FRY: variants seen among roughly 807,000 people sequenced by gnomAD.
FRY encodes FRY microtubule binding protein, also known as protein furry homolog.
FRY carries 128 observed loss-of-function variants against 348.4 expected under a neutral mutation model. The ratio of observed to expected loss-of-function variants is 0.37; its 90% CI spans 0.32 to 0.43. FRY has a LOEUF of 0.43. Ranked by LOEUF, FRY falls within the 20% of genes least tolerant of loss-of-function variation. The pLI is 1.00. For synonymous variants in FRY, 1,370 were observed against 1,374.7 expected (o/e 1.00, Z 0.08); for missense variants, 2,736 against 3,695.2 (o/e 0.74, Z 6.73).
At chr13:32,170,915 G>C in intron 17 of FRY, 97 bp from the exon 18 acceptor site, 1 of 928,652 alleles carries the variant, frequency 1.1e-6, no homozygotes, top group African/African-American at 1.6e-5. Flanking sequence ...TCAGACTCAA[G>C]TAGAAGAGAT....
intron 3 of FRY, among the ~76,000 whole-genome samples, chr13:32,116,419 G>C (rs1449833540): frequency 6.6e-6 from 1 of 152,104 alleles, no homozygotes; most frequent in Non-Finnish European, 1.5e-5. Context: ...TCTGTGGTTT[G>C]TCCCTTATCA....
chr13:32,294,605 G>A, intron 60 of FRY, 35 bp downstream of exon 60: 1 of 1,462,154 alleles, frequency 6.8e-7, no homozygotes, highest in Non-Finnish European at 9.6e-7. Context: ...GTGGTTGCAG[G>A]AAATGCACAC....
intron 28 of FRY, among the ~76,000 whole-genome samples, chr13:32,189,835 G>A (rs1343333608): frequency 1.3e-5 from 2 of 151,952 alleles, no homozygotes; most frequent in Non-Finnish European, 2.9e-5. Context: ...AAAGGTTGTA[G>A]CAAGAAAGAA....
Position 32,276,448 on chromosome 13 carries a change from A to T in FRY, c.8287-16A>T. 7.4e-7 allele frequency: 1 copy of T among 1,350,786 alleles called. No individual in the cohort carries two copies. Among genetic ancestry groups the T allele is most frequent in the Non-Finnish European group, 1.1e-6 (1 of 939,684 alleles). The allele number at this position is 1,350,786 out of a possible 1,614,324, so 83.7% of individuals were successfully genotyped here. A position where few individuals can be genotyped will look rare whatever the true frequency, so the allele number is the denominator to read the frequency against. ...TATCTCTCTAGTTTTAATACCAATT[A>T]TTTTCCTGTCTTTAGCTCCTTTCAT... On this transcript the variant is annotated splice_polypyrimidine_tract_variant and intron_variant, in intron 56 of 60. Transcript: ENST00000542859.
chr13:32,118,302 A>T (rs1335950546), intron 4 of FRY, among the ~76,000 whole-genome samples: 1 of 152,188 alleles, frequency 6.6e-6, no homozygotes, highest in African/African-American at 2.4e-5. Flanking sequence ...TATTCCAATT[A>T]AAAAAATACT....
chr13:32,141,145 A>G (rs1880045711), intron 11 of FRY, among the ~76,000 whole-genome samples: 1 of 152,210 alleles, frequency 6.6e-6, no homozygotes, highest in Non-Finnish European at 1.5e-5. Flanking sequence ...CGTAAAAATT[A>G]ATAATAAGAT....
At chr13:32,145,220 C>T (rs940337553) in intron 11 of FRY, among the ~76,000 whole-genome samples, 3 of 152,038 alleles carry the variant, frequency 2.0e-5, no homozygotes, top group Non-Finnish European at 4.4e-5. Context: ...CCCACAGGCA[C>T]CAGAGAAACT....
At chr13:32,144,635 GA>G (rs1214090403) in intron 11 of FRY, among the ~76,000 whole-genome samples, 1 of 151,956 alleles carries the variant, frequency 6.6e-6, no homozygotes, top group African/African-American at 2.4e-5. Flanking sequence ...ACACTAAGAA[GA>G]AAAGAGAATC....
At chr13:32,102,067 G>A (rs770653127) in intron 3 of FRY, 51 bp downstream of exon 3, 17 of 1,008,838 alleles carry the variant, frequency 1.7e-5, no homozygotes, top group South Asian at 1.6e-4. Context: ...CAGCATTCAC[G>A]CAAGGCAAGG....
intron 2 of FRY, among the ~76,000 whole-genome samples, chr13:32,079,831 G>A (rs1315294472): frequency 1.3e-5 from 2 of 152,206 alleles, no homozygotes; most frequent in Non-Finnish European, 2.9e-5. Context: ...TCAGAGTGAC[G>A]CAGCTGTTTC....
At chr13:32,089,678 A>C (rs1004600366) in intron 2 of FRY, among the ~76,000 whole-genome samples, 1 of 151,990 alleles carries the variant, frequency 6.6e-6, no homozygotes, top group East Asian at 1.9e-4. Context: ...AGGTGGGAGG[A>C]CCATTTGAAT....
At chr13:32,094,922 C>G (rs1266164526) in intron 2 of FRY, among the ~76,000 whole-genome samples, 1 of 152,158 alleles carries the variant, frequency 6.6e-6, no homozygotes, top group Non-Finnish European at 1.5e-5. Context: ...GAGAAACCTC[C>G]GAACTGTTCT....
intron 1 of FRY, among the ~76,000 whole-genome samples, chr13:32,060,589 A>C (rs2138439946): frequency 6.6e-6 from 1 of 152,300 alleles, no homozygotes; most frequent in Non-Finnish European, 1.5e-5. Flanking sequence ...TTCCCAGAGC[A>C]ACAGTTTATC....
At chr13:32,124,475 C>T (rs1344122957) in intron 5 of FRY, 99 bp downstream of exon 5, 20 of 871,662 alleles carry the variant, frequency 2.3e-5, no homozygotes, top group Non-Finnish European at 3.2e-5. Context: ...TTCTGAATTC[C>T]AAATACTGGG....
chr13:32,289,172 CCTGA>C (rs563291521), intron 58 of FRY, among the ~76,000 whole-genome samples: 217 of 152,208 alleles, frequency 1.4e-3, no homozygotes, highest in Middle Eastern at 6.8e-3. Flanking sequence ...CATCAGTAAG[CCTGA>C]CTGTTAGGTT....
chr13:32,076,813 A>G (rs1040558447), intron 1 of FRY, among the ~76,000 whole-genome samples: 1 of 152,066 alleles, frequency 6.6e-6, no homozygotes, highest in Non-Finnish European at 1.5e-5. Context: ...ATATAGCTAG[A>G]AGAGTATATG....
chr13:32,084,889 AACACACAC>A (rs5802632), intron 2 of FRY, among the ~76,000 whole-genome samples: 4 of 149,692 alleles, frequency 2.7e-5, no homozygotes, highest in Non-Finnish European at 5.9e-5. Flanking sequence ...CACACATGCA[AACACACAC>A]ACACACACAC....
chr13:32,107,852 A>G (rs961248752), intron 3 of FRY, among the ~76,000 whole-genome samples: 1 of 152,192 alleles, frequency 6.6e-6, no homozygotes, highest in Non-Finnish European at 1.5e-5. Flanking sequence ...TGATAAAGTC[A>G]TACCAGTAAC....
chr13:32,209,523 C>G (rs562969036), intron 32 of FRY, 62 bp from the exon 33 acceptor site: 1 of 1,551,144 alleles, frequency 6.4e-7, no homozygotes, highest in Admixed American at 1.7e-5. Context: ...TACTTTCAGT[C>G]AAACCTTTTG....
Sources: gnomAD v4.1 joint callset for allele counts (sites outside exome capture counted in the v4.1 genomes callset) on GRCh38, gnomAD v4.1.1 for gene constraint, MANE v1.5 for transcripts, NCBI Gene and HGNC (gene_info 2026-07-23, HGNC 2026-07-21) for gene names.